ADGRB3: variants seen among roughly 807,000 people sequenced by gnomAD.
The protein encoded by ADGRB3 is brain-specific angiogenesis inhibitor 3.
ADGRB3 carries 37 observed loss-of-function variants against 193.4 expected under a neutral mutation model. The ratio of observed to expected loss-of-function variants is 0.19; its 90% confidence interval spans 0.15 to 0.25. The LOEUF (loss-of-function observed/expected upper bound fraction) is 0.25. Among genes scored for constraint, ADGRB3 ranks in the 10% least tolerant of loss-of-function variants. ADGRB3 has a pLI of 1.00. For synonymous variants in ADGRB3, 690 were observed against 644.2 expected, an observed-to-expected ratio of 1.07 and a Z score of -1.08; for missense variants, 1,637 against 1,852.9, an observed-to-expected ratio of 0.88 and a Z score of 2.14.
At chr6:68,650,752 A>T (rs1053354250) in intron 3 of ADGRB3, among the ~76,000 whole-genome samples, 1 of 152,140 alleles carries the variant, frequency 6.6e-6, no homozygotes, top group African/African-American at 2.4e-5. Context: ...TTATAATTTC[A>T]TAAGGAAAAT....
rs1403956471 is a variant in ADGRB3, at chr6:69,337,304, T to C, written c.3189-1612T>C. ...ACAATATATAACTAATCCATGCCTT[T>C]TTCATATTAATCTGATCAGATTTAA... On this transcript the variant is annotated intron_variant, in intron 24 of 31. Coordinates refer to ENST00000370598, the MANE Select transcript of ADGRB3 (RefSeq NM_001704.3). Among the ~76,000 whole-genome samples the C allele has an allele frequency of 2.6e-5, 4 of 152,176 alleles. No individual in the cohort carries two copies. The East Asian group carries it at 7.7e-4, about 29-fold the overall frequency.
At chr6:68,836,632 C>T (rs972464849) in intron 3 of ADGRB3, among the ~76,000 whole-genome samples, 1 of 152,154 alleles carries the variant, frequency 6.6e-6, no homozygotes, top group South Asian at 2.1e-4. Flanking sequence ...ACGGCATTGC[C>T]CTGTTCATTG....
chr6:68,953,630 A>G (rs936773289), intron 6 of ADGRB3, among the ~76,000 whole-genome samples: 14 of 152,202 alleles, frequency 9.2e-5, no homozygotes, highest in Non-Finnish European at 4.4e-5. Flanking sequence ...AGACTACATA[A>G]CCAATATGAT....
chr6:69,168,842 A>G (rs1484098601), intron 17 of ADGRB3, among the ~76,000 whole-genome samples: 1 of 152,148 alleles, frequency 6.6e-6, no homozygotes, highest in Non-Finnish European at 1.5e-5. Context: ...AATTCAGTCT[A>G]CAGTTCTAAG....
intron 17 of ADGRB3, among the ~76,000 whole-genome samples, chr6:69,211,082 A>G (rs1765654104): frequency 1.3e-5 from 2 of 152,214 alleles, no homozygotes; most frequent in Non-Finnish European, 2.9e-5. Flanking sequence ...AGATCACGCC[A>G]CTGCACTCCA....
intron 17 of ADGRB3, among the ~76,000 whole-genome samples, chr6:69,162,412 T>C (rs143105394): frequency 0.01 from 1,583 of 152,226 alleles, 31 homozygotes; most frequent in African/African-American, 0.036. Context: ...CAGTATGATA[T>C]TGCCCCTTTG....
rs140604367 is a variant in ADGRB3 at position 68,715,464 on chromosome 6, A to G, written c.757+76032A>G. 1.3e-3 allele frequency among the ~76,000 whole-genome samples: 194 copies of G among 151,858 alleles called. 1 individual carries two copies. Among genetic ancestry groups the G allele is most frequent in the African/African-American group, 4.5e-3 (186 of 41,506 alleles). ...ATTAGACCCTTTTCAATAAATGAGC[A>G]AGAGGAATGGAGAAGGGCATGACTT... On this transcript the variant is annotated intron_variant, in intron 3 of 31. Transcript: ENST00000370598.
intron 17 of ADGRB3, among the ~76,000 whole-genome samples, chr6:69,212,067 A>C (rs1357690426): frequency 6.6e-6 from 1 of 152,202 alleles, no homozygotes; most frequent in Non-Finnish European, 1.5e-5. Context: ...AATTCCATAA[A>C]TTCTGATGCA....
intron 3 of ADGRB3, among the ~76,000 whole-genome samples, chr6:68,737,606 G>A (rs999202180): frequency 2.6e-5 from 4 of 152,092 alleles, no homozygotes; most frequent in Non-Finnish European, 5.9e-5. Flanking sequence ...TGACTGTAGA[G>A]ACCCAAGATT....
At chr6:68,814,624 A>T (rs1480843934) in intron 3 of ADGRB3, among the ~76,000 whole-genome samples, 2 of 152,118 alleles carry the variant, frequency 1.3e-5, no homozygotes, top group African/African-American at 4.8e-5. Context: ...GTCCTTGCCC[A>T]TGCCTATGTC....
intron 8 of ADGRB3, among the ~76,000 whole-genome samples, chr6:68,957,444 G>A (rs1768106210): frequency 6.6e-6 from 1 of 152,272 alleles, no homozygotes; most frequent in East Asian, 1.9e-4. Flanking sequence ...CAATAAGTAA[G>A]TGAAAGTCAG....
chr6:68,770,062 A>G (rs1766585884), intron 3 of ADGRB3, among the ~76,000 whole-genome samples: 1 of 152,108 alleles, frequency 6.6e-6, no homozygotes, highest in Non-Finnish European at 1.5e-5. Context: ...TTATTATCTT[A>G]ATAGAAAGAG....
intron 3 of ADGRB3, among the ~76,000 whole-genome samples, chr6:68,880,643 G>A (rs370801237): frequency 6.6e-6 from 1 of 152,212 alleles, no homozygotes; most frequent in East Asian, 1.9e-4. Context: ...ACTTTATAAG[G>A]AAGTCATTTA....
intron 20 of ADGRB3, among the ~76,000 whole-genome samples, chr6:69,309,721 G>T (rs1270267843): frequency 6.6e-6 from 1 of 151,612 alleles, no homozygotes; most frequent in African/African-American, 2.4e-5. Context: ...AATGCATGTG[G>T]TCATAGAGGG....
chr6:68,867,664 G>A (rs949200179), intron 3 of ADGRB3, among the ~76,000 whole-genome samples: 11 of 152,230 alleles, frequency 7.2e-5, no homozygotes, highest in Admixed American at 4.6e-4. Flanking sequence ...AAGCAGCCGG[G>A]AGGGAGGCTG....
intron 17 of ADGRB3, among the ~76,000 whole-genome samples, chr6:69,224,655 A>T (rs140047360): frequency 2.0e-3 from 305 of 152,296 alleles, no homozygotes; most frequent in African/African-American, 6.9e-3. Context: ...ATGTATTTTG[A>T]TGTTTTATTA....
intron 13 of ADGRB3, among the ~76,000 whole-genome samples, chr6:69,038,055 C>G (rs1207965103): frequency 6.6e-6 from 1 of 152,144 alleles, no homozygotes; most frequent in African/African-American, 2.4e-5. Context: ...CCAAGGAATA[C>G]TGTAGGGGCT....
At chr6:69,292,892 G>A (rs865835930) in intron 20 of ADGRB3, among the ~76,000 whole-genome samples, 2 of 104,978 alleles carry the variant, frequency 1.9e-5, no homozygotes, top group African/African-American at 3.7e-5. Flanking sequence ...ACAACAGTCC[G>A]CAGAGTTTGA....
At chr6:68,707,161 T>C (rs190994964) in intron 3 of ADGRB3, among the ~76,000 whole-genome samples, 3 of 150,632 alleles carry the variant, frequency 2.0e-5, no homozygotes, top group Non-Finnish European at 3.0e-5. Context: ...TTGCTGACAA[T>C]GACTATATCA....
Sources: allele counts gnomAD v4.1 joint callset (sites outside exome capture counted in the v4.1 genomes callset), GRCh38; gene constraint gnomAD v4.1.1; transcripts MANE v1.5; gene names NCBI Gene and HGNC (gene_info 2026-07-23, HGNC 2026-07-21).